The following GPHN variants were observed in gnomAD, a reference collection of about 807,000 sequenced individuals.
GPHN encodes gephyrin.
In GPHN, 17 loss-of-function variants were observed where a neutral mutation model predicts 95.5. The ratio of observed to expected loss-of-function variants is 0.18; its 90% CI spans 0.12 to 0.27. GPHN has a LOEUF of 0.27. Ranked by LOEUF, GPHN falls within the 10% of genes least tolerant of loss-of-function variation. GPHN has a pLI of 1.00. For synonymous variants in GPHN, 320 were observed against 322.5 expected (o/e 0.99, Z 0.08); for missense variants, 660 against 978.1 (o/e 0.67, Z 4.34).
chr14:66,566,959 G>A (rs1048194083), intron 1 of GPHN, among the ~76,000 whole-genome samples: 1 of 152,158 alleles, frequency 6.6e-6, no homozygotes, highest in Non-Finnish European at 1.5e-5. Flanking sequence ...AAAAGACGTG[G>A]CAGGTTAGGT....
chr14:67,594,573 G>A, the GPHN span, among the ~76,000 whole-genome samples: 2 of 151,894 alleles, frequency 1.3e-5, no homozygotes, highest in Non-Finnish European at 2.9e-5. Context: ...CTTGAACCTG[G>A]GAGGCGGAGG....
chr14:66,671,177 T>G (rs1214269684), intron 1 of GPHN, among the ~76,000 whole-genome samples: 1 of 152,246 alleles, frequency 6.6e-6, no homozygotes, highest in African/African-American at 2.4e-5. Context: ...ATCCATTATC[T>G]TGATTTAACT....
At chr14:67,645,711 C>T in the GPHN span, 1 of 1,613,948 alleles carries the variant, frequency 6.2e-7, no homozygotes, top group South Asian at 1.1e-5. Flanking sequence ...TGGGTTGATG[C>T]CCATGCTGAC....
At chr14:67,446,687 G>A in the GPHN span, among the ~76,000 whole-genome samples, 2 of 152,122 alleles carry the variant, frequency 1.3e-5, no homozygotes, top group Non-Finnish European at 2.9e-5. Flanking sequence ...GGGAGGGAGA[G>A]CCACTATGCT....
intron 8 of GPHN, 51 bp from the exon 9 acceptor site, chr14:66,965,140 A>G (rs1163925372): frequency 1.3e-6 from 2 of 1,503,220 alleles, no homozygotes; most frequent in East Asian, 4.5e-5. Flanking sequence ...TTGATTCTAC[A>G]TGTTATTGAC....
At chr14:67,439,573 C>CTTTATTTT in the GPHN span, among the ~76,000 whole-genome samples, 33 of 141,494 alleles carry the variant, frequency 2.3e-4, no homozygotes, top group Middle Eastern at 3.6e-3. Flanking sequence ...TTCTTTCTTT[C>CTTTATTTT]TTTCTTTCTT....
At chr14:66,894,762 C>T (rs1157547313) in intron 5 of GPHN, among the ~76,000 whole-genome samples, 5 of 152,138 alleles carry the variant, frequency 3.3e-5, no homozygotes, top group African/African-American at 4.8e-5. Context: ...AAAAAATGCT[C>T]GTCATCACTG....
chr14:66,934,248 A>C (rs1350032077), intron 8 of GPHN, among the ~76,000 whole-genome samples: 1 of 152,170 alleles, frequency 6.6e-6, no homozygotes, highest in East Asian at 1.9e-4. Context: ...AAAAAGTGAA[A>C]CTTGGTCAAT....
intron 1 of GPHN, among the ~76,000 whole-genome samples, chr14:66,574,806 G>A (rs2060840151): frequency 6.6e-6 from 1 of 152,182 alleles, no homozygotes; most frequent in Non-Finnish European, 1.5e-5. Context: ...CTCTGTCTCT[G>A]TCCCAGATCT....
intron 5 of GPHN, among the ~76,000 whole-genome samples, chr14:66,896,844 A>G (rs971768352): frequency 6.6e-6 from 1 of 152,024 alleles, no homozygotes; most frequent in Non-Finnish European, 1.5e-5. Flanking sequence ...AGTAGAAGGC[A>G]TATGTATTGG....
the GPHN span, chr14:67,569,177 CTCTCAGATATG>C: frequency 6.2e-7 from 1 of 1,613,200 alleles, no homozygotes; most frequent in Admixed American, 1.7e-5. Flanking sequence ...GGGCATGCGG[CTCTCAGATATG>C]TCTCCCAGAA....
the GPHN span, among the ~76,000 whole-genome samples, chr14:67,497,631 CACAGGCG>C: frequency 6.6e-6 from 1 of 152,162 alleles, no homozygotes; most frequent in Non-Finnish European, 1.5e-5. Context: ...CTAAAATAAA[CACAGGCG>C]GTTTTTGCAC....
chr14:67,079,752 ACT>A (rs2076619428), intron 11 of GPHN, among the ~76,000 whole-genome samples: 1 of 151,796 alleles, frequency 6.6e-6, no homozygotes, highest in African/African-American at 2.4e-5. Context: ...CCATTAAATA[ACT>A]CTTACACCTC....
intron 3 of GPHN, among the ~76,000 whole-genome samples, chr14:66,778,410 A>G (rs1422907831): frequency 6.6e-6 from 1 of 152,182 alleles, no homozygotes; most frequent in East Asian, 1.9e-4. Flanking sequence ...GTAATGAAAA[A>G]TTGACTTACT....
chr14:67,586,957 T>C, the GPHN span: 1 of 1,542,198 alleles, frequency 6.5e-7, no homozygotes. Flanking sequence ...CAGGTGGGTA[T>C]TTTAAGAGAT....
chr14:67,361,590 A>G, the GPHN span, among the ~76,000 whole-genome samples: 3 of 152,254 alleles, frequency 2.0e-5, no homozygotes, highest in Non-Finnish European at 2.9e-5. Context: ...GTGAACTTCT[A>G]TATCCATTAT....
intron 3 of GPHN, among the ~76,000 whole-genome samples, chr14:66,814,926 C>G (rs1419493560): frequency 2.0e-5 from 3 of 152,066 alleles, no homozygotes; most frequent in African/African-American, 7.2e-5. Flanking sequence ...TAAAACATGG[C>G]AGGAGTTGAC....
intron 1 of GPHN, among the ~76,000 whole-genome samples, chr14:66,577,494 G>C (rs761948152): frequency 4.6e-5 from 7 of 152,056 alleles, no homozygotes; most frequent in Non-Finnish European, 1.0e-4. Flanking sequence ...GAAATCCCTG[G>C]AATGTGCTAT....
intron 1 of GPHN, among the ~76,000 whole-genome samples, chr14:66,552,218 TC>T (rs1344716006): frequency 1.3e-5 from 2 of 152,166 alleles, no homozygotes; most frequent in Non-Finnish European, 1.5e-5. Context: ...ATAAGAACAG[TC>T]CCATCTCATC....
Sources: gnomAD v4.1 joint callset for allele counts (sites outside exome capture counted in the v4.1 genomes callset) on GRCh38, gnomAD v4.1.1 for gene constraint, MANE v1.5 for transcripts, NCBI Gene and HGNC (gene_info 2026-07-23, HGNC 2026-07-21) for gene names.